The following ZNF804A variants were observed in gnomAD, a reference collection of about 807,000 sequenced individuals.
ZNF804A encodes zinc finger protein 804A.
Under a neutral mutation model 16.5 loss-of-function variants are expected in ZNF804A, and 2 were observed. That is an observed-to-expected ratio of 0.12 (90% CI 0.05 to 0.38). ZNF804A has a LOEUF of 0.38. ZNF804A is among the 10% of genes least tolerant of loss of function. The pLI is 0.99. For missense variants in ZNF804A, 1,473 were observed against 1,390.7 expected, an observed-to-expected ratio of 1.06 and a Z score of -0.94; for synonymous variants, 534 against 489.6, an observed-to-expected ratio of 1.09 and a Z score of -1.20.
chr2:184,791,509 T>G (rs1694543673), intron 1 of ZNF804A, among the ~76,000 whole-genome samples: 1 of 152,036 alleles, frequency 6.6e-6, no homozygotes, highest in Non-Finnish European at 1.5e-5. Context: ...CTCGATTTGT[T>G]TTTTATTTTT....
At chr2:184,865,635 A>G (rs1479579724) in intron 1 of ZNF804A, among the ~76,000 whole-genome samples, 1 of 152,190 alleles carries the variant, frequency 6.6e-6, no homozygotes, top group African/African-American at 2.4e-5. Flanking sequence ...ATGCATTGCA[A>G]ACAAAAGCTA....
chr2:184,723,300 G>A (rs1693352921), intron 1 of ZNF804A, among the ~76,000 whole-genome samples: 1 of 151,694 alleles, frequency 6.6e-6, no homozygotes, highest in Non-Finnish European at 1.5e-5. Context: ...TTAGCAACAG[G>A]CTCGCGTGTA....
At chr2:184,927,779 G>A (rs991762926) in intron 2 of ZNF804A, among the ~76,000 whole-genome samples, 3 of 152,140 alleles carry the variant, frequency 2.0e-5, no homozygotes, top group African/African-American at 7.2e-5. Flanking sequence ...GGCCCATAGG[G>A]AAAACTATCA....
At chr2:184,659,850 C>T (rs1420203423) in intron 1 of ZNF804A, among the ~76,000 whole-genome samples, 1 of 152,168 alleles carries the variant, frequency 6.6e-6, no homozygotes, top group Non-Finnish European at 1.5e-5. Context: ...AAGCACCTTA[C>T]AGCTGAAGTA....
At chr2:184,624,735 T>C (rs544931470) in intron 1 of ZNF804A, among the ~76,000 whole-genome samples, 70 of 152,298 alleles carry the variant, frequency 4.6e-4, no homozygotes, top group African/African-American at 1.7e-3. Flanking sequence ...TCCAATTTGT[T>C]TTGATTATGC....
rs1349761111 is a variant in ZNF804A, at chr2:184,766,196, A to C, written c.112-100173A>C. Among the ~76,000 whole-genome samples, 5 of 152,274 alleles carry C rather than the reference A, an allele frequency of 3.3e-5. No homozygotes were observed. The East Asian group carries it at 9.7e-4, about 29-fold the overall frequency. On this transcript the variant is annotated intron_variant, in intron 1 of 3. Transcript: ENST00000302277. ...ATTTCTAAGTTGCTAAACACACCAA[A>C]TTAATTCATTGCTAAATTATTATTT...
intron 1 of ZNF804A, among the ~76,000 whole-genome samples, chr2:184,661,819 TAA>T (rs1349204417): frequency 1.3e-5 from 2 of 152,238 alleles, no homozygotes; most frequent in African/African-American, 2.4e-5. Flanking sequence ...CAAGATGATA[TAA>T]GTTATTATTA....
At position 184,773,036 on chromosome 2, in the gene ZNF804A, G is replaced by GTA. The variant is rs199792757; in HGVS notation, c.112-93323_112-93322dup. 1.3e-3 allele frequency among the ~76,000 whole-genome samples: 198 copies of GTA among 146,944 alleles called. 2 individuals are homozygous for GTA. In the East Asian group the frequency reaches 0.03, roughly 22 times the overall value. ...TATATACACACACAAATATATATGTGTATATATATATTTTTTTAAATGTGC... is the reference window on the plus strand; with the variant it reads ...TATATACACACACAAATATATATGTGTATATATATATATTTTTTTAAATGTGC... On this transcript the variant is annotated intron_variant, in intron 1 of 3. Transcript: ENST00000302277.
At chr2:184,738,590 A>T (rs1288000583) in intron 1 of ZNF804A, among the ~76,000 whole-genome samples, 1 of 152,196 alleles carries the variant, frequency 6.6e-6, no homozygotes, top group East Asian at 1.9e-4. Flanking sequence ...TTTTAGTCCC[A>T]TTATATTCCA....
At chr2:184,796,569 A>G (rs1404199057) in intron 1 of ZNF804A, among the ~76,000 whole-genome samples, 2 of 151,298 alleles carry the variant, frequency 1.3e-5, no homozygotes, top group African/African-American at 4.8e-5. Context: ...TCAAAGAACA[A>G]ACTTTTTGTT....
chr2:184,634,495 A>G (rs1442801052), intron 1 of ZNF804A, among the ~76,000 whole-genome samples: 1 of 151,638 alleles, frequency 6.6e-6, no homozygotes, highest in African/African-American at 2.4e-5. Flanking sequence ...GGAAAGAGGG[A>G]GGCAGTAGAG....
At position 184,857,655 on chromosome 2, in the gene ZNF804A, T is replaced by A. The variant is rs1558984020; in HGVS notation, c.112-8714T>A. 2.6e-5 allele frequency among the ~76,000 whole-genome samples: 4 copies of A among 152,320 alleles called. No homozygotes were observed. The South Asian group carries it at 8.3e-4, about 32-fold the overall frequency. On this transcript the variant is annotated intron_variant, in intron 1 of 3. Transcript: ENST00000302277. The stretch of plus-strand genomic sequence containing the variant: ...ATATTAGTTTTATGTATTTACACAC[T>A]ACAATATTTATATGTTTATATTGTT...
At chr2:184,632,711 A>G (rs1421479928) in intron 1 of ZNF804A, among the ~76,000 whole-genome samples, 1 of 152,218 alleles carries the variant, frequency 6.6e-6, no homozygotes, top group African/African-American at 2.4e-5. Flanking sequence ...TCATATTCAA[A>G]TGAAATGGCT....
At chr2:184,706,023 T>C (rs1020895071) in intron 1 of ZNF804A, among the ~76,000 whole-genome samples, 1 of 152,188 alleles carries the variant, frequency 6.6e-6, no homozygotes, top group African/African-American at 2.4e-5. Flanking sequence ...TGGTGACTAT[T>C]CACATGGGAC....
At chr2:184,653,380 C>A (rs1334676576) in intron 1 of ZNF804A, among the ~76,000 whole-genome samples, 2 of 152,066 alleles carry the variant, frequency 1.3e-5, no homozygotes, top group Non-Finnish European at 2.9e-5. Flanking sequence ...TTACCAGTGG[C>A]GAATCCATAT....
Position 184,652,126 on chromosome 2 carries a change from T to A in ZNF804A, c.111+53056T>A, listed in dbSNP as rs575223585. On this transcript the variant is annotated intron_variant, in intron 1 of 3. Transcript: ENST00000302277. ...CAGCATAAAAAAGAACAAAATCAAG[T>A]TTTTTTGCAGCAACATGGATGGGGC... Among the ~76,000 whole-genome samples the A allele has an allele frequency of 1.9e-4, 29 of 152,166 alleles. 1 individual carries two copies. In the South Asian group the frequency reaches 6.0e-3, roughly 32 times the overall value.
intron 1 of ZNF804A, among the ~76,000 whole-genome samples, chr2:184,692,135 A>T (rs541411212): frequency 2.6e-5 from 4 of 152,286 alleles, no homozygotes; most frequent in Admixed American, 2.6e-4. Flanking sequence ...GTTCAACAAT[A>T]TGTGTCTTTA....
intron 1 of ZNF804A, among the ~76,000 whole-genome samples, chr2:184,836,122 A>G (rs1486494276): frequency 6.6e-6 from 1 of 152,146 alleles, no homozygotes; most frequent in East Asian, 1.9e-4. Context: ...ATTGCTGTAA[A>G]GGCTAAATCA....
At chr2:184,710,055 GT>G (rs559841268) in intron 1 of ZNF804A, among the ~76,000 whole-genome samples, 1 of 150,874 alleles carries the variant, frequency 6.6e-6, no homozygotes, top group Non-Finnish European at 1.5e-5. Flanking sequence ...ATTTGTATCT[GT>G]TTTTTTATTT....
Sources: allele counts gnomAD v4.1 joint callset (sites outside exome capture counted in the v4.1 genomes callset), GRCh38; gene constraint gnomAD v4.1.1; transcripts MANE v1.5; gene names NCBI Gene and HGNC (gene_info 2026-07-23, HGNC 2026-07-21).